RBMS1: variants seen among roughly 807,000 people sequenced by gnomAD.
The protein encoded by RBMS1 is RNA-binding motif, single-stranded-interacting protein 1.
A neutral mutation model predicts 62.3 loss-of-function variants in RBMS1; 17 were observed. The ratio of observed to expected loss-of-function variants is 0.27; its 90% confidence interval spans 0.19 to 0.41. RBMS1 has a LOEUF of 0.41. RBMS1 is among the 10% of genes least tolerant of loss of function. The pLI is 1.00. For missense variants in RBMS1, 334 were observed against 504.5 expected (o/e 0.66, Z 3.24); for synonymous variants, 172 against 170.0 (o/e 1.01, Z -0.09).
chr2:160,418,043 C>T (rs1696274292), intron 1 of RBMS1, among the ~76,000 whole-genome samples: 1 of 152,182 alleles, frequency 6.6e-6, no homozygotes, highest in Admixed American at 6.5e-5. Flanking sequence ...TCACGTCATT[C>T]TACTTCAAGT....
At chr2:160,360,024 T>G (rs1693037709) in intron 2 of RBMS1, among the ~76,000 whole-genome samples, 1 of 152,034 alleles carries the variant, frequency 6.6e-6, no homozygotes, top group Non-Finnish European at 1.5e-5. Flanking sequence ...GAGACAGAGG[T>G]TGCAGTGAGC....
chr2:160,437,576 T>C (rs931612442), intron 1 of RBMS1, among the ~76,000 whole-genome samples: 3 of 152,212 alleles, frequency 2.0e-5, no homozygotes, highest in Admixed American at 1.3e-4. Flanking sequence ...AAATGAATCT[T>C]GAAATATCCG....
chr2:160,484,927 T>A (rs1170390820), intron 1 of RBMS1, among the ~76,000 whole-genome samples: 1 of 151,744 alleles, frequency 6.6e-6, no homozygotes, highest in Non-Finnish European at 1.5e-5. Flanking sequence ...AAAAAGAGAA[T>A]TGGAAGAGAT....
chr2:160,355,232 A>G (rs1559433140), intron 2 of RBMS1, among the ~76,000 whole-genome samples: 1 of 152,148 alleles, frequency 6.6e-6, no homozygotes, highest in Non-Finnish European at 1.5e-5. Context: ...AGTAATAAAC[A>G]AACAGAACAC....
At chr2:160,291,265 T>C (rs1007324634) in intron 6 of RBMS1, among the ~76,000 whole-genome samples, 3 of 152,284 alleles carry the variant, frequency 2.0e-5, no homozygotes, top group Admixed American at 2.0e-4. Flanking sequence ...CTTCCATCTT[T>C]CTAGTTATGC....
intron 6 of RBMS1, among the ~76,000 whole-genome samples, chr2:160,289,648 T>C (rs1299066390): frequency 1.3e-5 from 2 of 152,032 alleles, no homozygotes; most frequent in African/African-American, 2.4e-5. Flanking sequence ...GAGAAAAGAG[T>C]GTACCTAATC....
At chr2:160,330,684 T>C (rs1054586719) in intron 2 of RBMS1, among the ~76,000 whole-genome samples, 7 of 149,488 alleles carry the variant, frequency 4.7e-5, no homozygotes, top group African/African-American at 1.2e-4. Flanking sequence ...AACTAAAATA[T>C]AGGTTGCACT....
chr2:160,407,449 C>T (rs1043682213), intron 1 of RBMS1: 178 of 986,068 alleles, frequency 1.8e-4, no homozygotes, highest in Non-Finnish European at 2.1e-4. Context: ...CGCGGCATCC[C>T]GGCCGCCGCC....
At chr2:160,410,993 C>T (rs776747473) in intron 1 of RBMS1, among the ~76,000 whole-genome samples, 11 of 152,324 alleles carry the variant, frequency 7.2e-5, no homozygotes, top group African/African-American at 1.2e-4. Context: ...CCGCCCATCT[C>T]GGCCTCCCAA....
intron 1 of RBMS1, among the ~76,000 whole-genome samples, chr2:160,438,016 G>T (rs1683185186): frequency 6.6e-6 from 1 of 152,190 alleles, no homozygotes; most frequent in African/African-American, 2.4e-5. Flanking sequence ...ACAGGACCTG[G>T]ACAAAAACTA....
intron 2 of RBMS1, among the ~76,000 whole-genome samples, chr2:160,322,983 T>C (rs1303605988): frequency 6.6e-6 from 1 of 152,022 alleles, no homozygotes; most frequent in East Asian, 1.9e-4. Context: ...GTAGTCATCA[T>C]CTCTCTCTAC....
At chr2:160,479,249 C>A (rs1243267279) in intron 1 of RBMS1, among the ~76,000 whole-genome samples, 2 of 152,226 alleles carry the variant, frequency 1.3e-5, no homozygotes, top group Non-Finnish European at 2.9e-5. Context: ...AGAAACACAA[C>A]AAGGCCATGA....
intron 2 of RBMS1, among the ~76,000 whole-genome samples, chr2:160,324,251 G>A (rs1018698334): frequency 8.2e-5 from 12 of 147,156 alleles, no homozygotes; most frequent in African/African-American, 2.9e-4. Context: ...GTGCAAGCAT[G>A]CGTGCGCGTG....
At position 160,272,862 on chromosome 2, in the gene RBMS1, A is replaced by C. The variant is rs1259216075; in HGVS notation, c.*1910T>G. ...TTTGAAACTATGAAATGTCACTGAC[A>C]TCTATCATCAAATACAAGCATAAAA... On this transcript the variant is annotated 3_prime_UTR_variant, in exon 14 of 14. Coordinates refer to ENST00000348849, the MANE Select transcript of RBMS1 (RefSeq NM_016836.4). The C allele has an allele frequency of 6.6e-6, 1 of 152,258 alleles. No individual in the cohort carries two copies. Among genetic ancestry groups the C allele is most frequent in the Non-Finnish European group, 1.5e-5 (1 of 68,046 alleles). The allele number at this position is 152,258 out of a possible 1,614,324, so 9.4% of individuals were successfully genotyped here.
Position 160,337,376 on chromosome 2 carries a change from C to T in RBMS1, c.252-19149G>A, listed in dbSNP as rs369279235. ...CTCGAATTCCTGACCTCAAGTGATC[C>T]GCCCCACTCAGCCTCCCAAAGTGCT... On this transcript the variant is annotated intron_variant, in intron 2 of 13. Coordinates refer to ENST00000348849, the MANE Select transcript of RBMS1 (RefSeq NM_016836.4). Among the ~76,000 whole-genome samples, 26 of 152,114 alleles carry T rather than the reference C, an allele frequency of 1.7e-4. No individual in the cohort carries two copies. The East Asian group carries it at 2.1e-3, about 12-fold the overall frequency.
intron 1 of RBMS1, among the ~76,000 whole-genome samples, chr2:160,466,834 A>G (rs760994707): frequency 9.9e-5 from 15 of 152,202 alleles, no homozygotes; most frequent in Non-Finnish European, 2.2e-4. Context: ...GGAGGTTTCA[A>G]ATCCTGGCTC....
intron 1 of RBMS1, among the ~76,000 whole-genome samples, chr2:160,406,319 A>C (rs1695704299): frequency 1.3e-5 from 2 of 152,166 alleles, no homozygotes; most frequent in Non-Finnish European, 2.9e-5. Flanking sequence ...AAAAAGAATG[A>C]CTCTGACGAC....
intron 1 of RBMS1, among the ~76,000 whole-genome samples, chr2:160,442,821 G>A (rs946526112): frequency 8.5e-5 from 13 of 152,170 alleles, no homozygotes; most frequent in Admixed American, 7.2e-4. Context: ...AGGAACAACC[G>A]CCTGCTAGAA....
At chr2:160,435,876 T>C (rs13429951) in intron 1 of RBMS1, among the ~76,000 whole-genome samples, 32,956 of 152,104 alleles carry the variant, frequency 0.22, 3,911 homozygotes, top group African/African-American at 0.3. Flanking sequence ...GTTTCATCAA[T>C]AGCCAAGTTA....
Sources: allele counts gnomAD v4.1 joint callset (sites outside exome capture counted in the v4.1 genomes callset), GRCh38; gene constraint gnomAD v4.1.1; transcripts MANE v1.5; gene names NCBI Gene and HGNC (gene_info 2026-07-23, HGNC 2026-07-21).